The following DVL3 variants were observed in gnomAD, a reference collection of about 807,000 sequenced individuals.
DVL3 encodes segment polarity protein dishevelled homolog DVL-3.
DVL3 carries 27 observed loss-of-function variants against 67.4 expected under a neutral mutation model. That is an observed-to-expected ratio of 0.40 (90% CI 0.30 to 0.55). The LOEUF (loss-of-function observed/expected upper bound fraction) is 0.55. Ranked by LOEUF, DVL3 falls within the 20% of genes least tolerant of loss-of-function variation. The pLI is 0.46. For synonymous variants in DVL3, 369 were observed against 396.8 expected (o/e 0.93, Z 0.83); for missense variants, 819 against 1,021.5 (o/e 0.80, Z 2.70).
In DVL3 at chr3:184,164,441, G is replaced by C; in HGVS notation, c.354-51G>C. 1 of 1,601,466 alleles carries C rather than the reference G, an allele frequency of 6.2e-7. No individual in the cohort carries two copies. Among genetic ancestry groups the C allele is most frequent in the Non-Finnish European group, 8.5e-7 (1 of 1,173,906 alleles). ...CCGCATCAGTTCAGCCCAGGGCTGG[G>C]GGAGGGAGCCCCCAGCCTGCCCCCT... On this transcript the variant is annotated intron_variant, in intron 3 of 14. Coordinates refer to ENST00000313143, the MANE Select transcript of DVL3 (RefSeq NM_004423.4). The surrounding 1 kb of genome is among the most constrained non-coding windows in gnomAD (Gnocchi z 5.3).
chr3:184,166,145 C>T lies in DVL3; in HGVS notation c.783C>T (p.Gly261=), dbSNP rs537851526. The T allele has an allele frequency of 2.4e-5, 38 of 1,613,674 alleles. No individual in the cohort carries two copies. Among genetic ancestry groups the T allele is most frequent in the Non-Finnish European group, 3.1e-5 (36 of 1,179,922 alleles). Reference sequence around the variant, plus strand: ...CTATAGAAAAATATAACTTCTTGGGCATCTCCATTGTGGGCCAAAGCAACG... The same window carrying T: ...CTATAGAAAAATATAACTTCTTGGGTATCTCCATTGTGGGCCAAAGCAACG... The part of the protein sequence containing the change: ...TLNMEKYNFL[G]ISIVGQSNER... Residue 261 remains glycine, a synonymous_variant, in exon 8 of 15, where the codon GGC becomes GGT. Transcript: ENST00000313143. This position sits in a 1 kb window ranked among gnomAD's most constrained non-coding sequence, Gnocchi z 6.7.
chr3:184,164,833 G>A lies in DVL3; in HGVS notation c.501G>A (p.Arg167=), dbSNP rs1454515437. ...ATGGAACTGCGAAGGGGGAACGGCG[G>A]CGAGAACCAGGGGGTTATGATAGCT... is the stretch of plus-strand genomic sequence containing the variant. ...RLNGTAKGER[R]REPGGYDSSS... Residue 167 remains arginine (R), a synonymous_variant, in exon 5 of 15, where the codon CGG becomes CGA. Transcript: ENST00000313143. The surrounding 1 kb of genome is among the most constrained non-coding windows in gnomAD (Gnocchi z 5.3). The A allele has an allele frequency of 7.4e-6, 12 of 1,614,218 alleles. No homozygotes were observed. In the East Asian group the frequency reaches 2.7e-4, roughly 36 times the overall value.
At position 184,170,353 on chromosome 3, in the gene DVL3, C is replaced by T; in HGVS notation, c.1749C>T (p.Ser583=). ...GCAGTGGCTCCAACCGTAGCGGCAG[C>T]GATCGGAGGAAGGAGAAGGACCCGA... ...SRSSGSNRSG[S]DRRKEKDPKA... The change falls in exon 15 of 15, where the codon AGC becomes AGT. Residue 583 remains serine, a synonymous_variant. Transcript: ENST00000313143. The surrounding 1 kb of genome is among the most constrained non-coding windows in gnomAD (Gnocchi z 6.5). The T allele has an allele frequency of 1.2e-6, 2 of 1,605,086 alleles. No homozygotes were observed. The highest frequency in any genetic ancestry group is 1.3e-5 in the African/African-American group (1 of 74,904).
At position 184,163,640 on chromosome 3, in the gene DVL3, T is replaced by A. The variant is rs1296966826; in HGVS notation, c.162-17T>A. ...GCACCCTAGAAGGTTCTCTGTGACA[T>A]CCCCCTTTCTCTGCAGAGTGGTGAA... On this transcript the variant is annotated splice_polypyrimidine_tract_variant and intron_variant, in intron 1 of 14. Coordinates refer to ENST00000313143, the MANE Select transcript of DVL3 (RefSeq NM_004423.4). This position sits in a 1 kb window ranked among gnomAD's most constrained non-coding sequence, Gnocchi z 4.5. 6.2e-7 allele frequency: 1 copy of A among 1,612,630 alleles called. No homozygotes were observed. The highest frequency in any genetic ancestry group is 2.2e-5 in the East Asian group (1 of 44,880).
chr3:184,166,369 TC>T lies in DVL3; in HGVS notation c.904-74del, dbSNP rs2109021983. ...GGCCCCTTCTTGGTTGGGGGAAGAC[TC>T]CCTGACCTACCAAGTTGAGTTCCCT... On this transcript the variant is annotated intron_variant, in intron 8 of 14. Transcript: ENST00000313143. This position sits in a 1 kb window ranked among gnomAD's most constrained non-coding sequence, Gnocchi z 6.7. 2 of 1,610,110 alleles carry T rather than the reference TC, an allele frequency of 1.2e-6. No homozygotes were observed. The highest frequency in any genetic ancestry group is 4.5e-5 in the East Asian group (2 of 44,848).
chr3:184,161,745 A>T (rs367702812), intron 1 of DVL3, among the ~76,000 whole-genome samples: 1 of 151,630 alleles, frequency 6.6e-6, no homozygotes, highest in Non-Finnish European at 1.5e-5. Context: ...ATAGACCCAC[A>T]TTACCTCTGT....
rs1714573022 is a variant in DVL3, at chr3:184,166,093, C to T, written c.764-33C>T. 1 of 1,604,322 alleles carries T rather than the reference C, an allele frequency of 6.2e-7. No homozygotes were observed. Among genetic ancestry groups the T allele is most frequent in the South Asian group, 1.1e-5 (1 of 89,694 alleles). Reference sequence around the variant, plus strand: ...GCTGGGAATGCGGGTAGGAACCTTGCTCCCCCTTAAGGTCTTAAATTACTC... The same window carrying T: ...GCTGGGAATGCGGGTAGGAACCTTGTTCCCCCTTAAGGTCTTAAATTACTC... On this transcript the variant is annotated intron_variant, in intron 7 of 14. Transcript: ENST00000313143. This position sits in a 1 kb window ranked among gnomAD's most constrained non-coding sequence, Gnocchi z 6.7.
chr3:184,164,523 C>A lies in DVL3; in HGVS notation c.385C>A (p.Leu129Met). ...PHAGGGSQENLDNDTETDSLV... is the reference protein window; with the variant it reads ...PHAGGGSQENMDNDTETDSLV... ...TGCTGGTGGGGGCAGCCAGGAGAAC[C>A]TGGACAATGACACAGAGACGGACTC... The change falls in exon 4 of 15, where the codon CTG becomes ATG. Residue 129 changes from leucine (L) to methionine (M), a missense_variant. Leu to Met is a conservative substitution (Grantham distance 15). Transcript: ENST00000313143. The surrounding 1 kb of genome is among the most constrained non-coding windows in gnomAD (Gnocchi z 5.3). The A allele has an allele frequency of 1.9e-6, 3 of 1,592,514 alleles. No homozygotes were observed. The highest frequency in any genetic ancestry group is 2.6e-6 in the Non-Finnish European group (3 of 1,169,884).
rs756254669 is a variant in DVL3 at position 184,168,028 on chromosome 3, C to A, written c.1461C>A (p.Ser487=). The A allele has an allele frequency of 1.2e-6, 2 of 1,614,266 alleles. No individual in the cohort carries two copies. The highest frequency in any genetic ancestry group is 2.2e-5 in the South Asian group (2 of 91,092). The change falls in exon 13 of 15, where the codon TCC becomes TCA. Residue 487 remains serine, a synonymous_variant. Transcript: ENST00000313143. ...IRHTVNKITF[S]EQCYYIFGDL... is the part of the protein sequence containing the mutation. ...ATACCGTCAACAAGATCACCTTCTC[C>A]GAGCAGTGCTACTACATCTTCGGTG...
At position 184,171,810 on chromosome 3, in the gene DVL3, C is replaced by CG. The variant is rs1224222213; in HGVS notation, c.*1061dup. Reference sequence around the variant, plus strand: ...TCGCACCACGTGTGGCAGCCTGCGGCGGGGGGAGGGGGGCCTCTTTAGCTC... The same window carrying CG: ...TCGCACCACGTGTGGCAGCCTGCGGCGGGGGGGAGGGGGGCCTCTTTAGCTC... On this transcript the variant is annotated 3_prime_UTR_variant, in exon 15 of 15. Transcript: ENST00000313143. 9 of 165,576 alleles carry CG rather than the reference C, an allele frequency of 5.4e-5. No homozygotes were observed. Among genetic ancestry groups the CG allele is most frequent in the Non-Finnish European group, 1.0e-4 (8 of 78,980 alleles). 10.3% of individuals were successfully genotyped at this position (165,576 alleles called of 1,614,324 possible).
rs868653763 is a variant in DVL3, at chr3:184,164,631, G to A, written c.463+30G>A. On this transcript the variant is annotated intron_variant, in intron 4 of 14. Transcript: ENST00000313143. This position sits in a 1 kb window ranked among gnomAD's most constrained non-coding sequence, Gnocchi z 5.3. ...ATCTTCCTGAACACGGACACTGTCC[G>A]CACCTCACACCCTCCCCTCACTTTC... 8.4e-6 allele frequency: 13 copies of A among 1,549,464 alleles called. No individual in the cohort carries two copies. Among genetic ancestry groups the A allele is most frequent in the Middle Eastern group, 1.7e-4 (1 of 5,758 alleles).
In DVL3 at chr3:184,166,578, G is replaced by T. The variant is rs1422249390; in HGVS notation, c.981-28G>T. On this transcript the variant is annotated intron_variant, in intron 9 of 14. Transcript: ENST00000313143. This position sits in a 1 kb window ranked among gnomAD's most constrained non-coding sequence, Gnocchi z 6.7. The stretch of plus-strand genomic sequence containing the variant: ...GCTTGGTCTGGCCTATACGCATCCT[G>T]CCTTCACTAGGACACCCTTGTTTTC... The T allele has an allele frequency of 6.2e-7, 1 of 1,614,216 alleles. No individual in the cohort carries two copies. The highest frequency in any genetic ancestry group is 2.2e-5 in the East Asian group (1 of 44,882).
Position 184,173,506 on chromosome 3 carries a change from C to T in DVL3, c.*2751C>T. The T allele has an allele frequency of 6.6e-6, 1 of 152,182 alleles. No individual in the cohort carries two copies. Among genetic ancestry groups the T allele is most frequent in the Non-Finnish European group, 1.5e-5 (1 of 68,028 alleles). 9.4% of individuals were successfully genotyped at this position (152,182 alleles called of 1,614,324 possible). A position where few individuals can be genotyped will look rare whatever the true frequency, so the allele number is the denominator to read the frequency against. ...AATGATGATAATAATACCTACCTCA[C>T]AGGGTTGTTGTGAGGATTTAAATTA... On this transcript the variant is annotated 3_prime_UTR_variant, in exon 15 of 15. Transcript: ENST00000313143.
rs1394697422 is a variant in DVL3 at position 184,171,542 on chromosome 3, C to G, written c.*787C>G. On this transcript the variant is annotated 3_prime_UTR_variant, in exon 15 of 15. Coordinates refer to ENST00000313143, the MANE Select transcript of DVL3 (RefSeq NM_004423.4). ...TTTCTTTTCTTTCTTTTTTCCTCCCCCAATTTACCCTGGGCCTGGAGCAGC... is the reference window on the plus strand; with the variant it reads ...TTTCTTTTCTTTCTTTTTTCCTCCCGCAATTTACCCTGGGCCTGGAGCAGC... The G allele has an allele frequency of 4.1e-6, 4 of 986,064 alleles. No homozygotes were observed. The East Asian group carries it at 3.4e-4, about 84-fold the overall frequency. 61.1% of individuals were successfully genotyped at this position (986,064 alleles called of 1,614,324 possible).
rs1427407290 is a variant in DVL3 at position 184,164,580 on chromosome 3, C to T, written c.442C>T (p.Arg148Trp). 13 of 1,561,372 alleles carry T rather than the reference C, an allele frequency of 8.3e-6. No individual in the cohort carries two copies. The highest frequency in any genetic ancestry group is 3.4e-4 in the Middle Eastern group (2 of 5,804). The change falls in exon 4 of 15, where the codon CGG (arginine) becomes TGG (tryptophan). Residue 148 changes from arginine to tryptophan, a missense_variant. By Grantham distance (101) the Arg-to-Trp change is moderately radical. This residue lies in a region of DVL3 where 385 missense variants were observed against 486.8 expected (regional missense o/e 0.79). Transcript: ENST00000313143. The surrounding 1 kb of genome is among the most constrained non-coding windows in gnomAD (Gnocchi z 5.3). ...GTCTGCCCAGCGAGAGCGGCCACGC[C>T]GGAGGGATGGCCCAGAGCATGGTAT... ...LVSAQRERPRRRDGPEHATRL... is the reference protein window; with the variant it reads ...LVSAQRERPRWRDGPEHATRL...
Position 184,169,540 on chromosome 3 carries a change from C to CA in DVL3, c.1499-455dup, listed in dbSNP as rs879655215. ...CAAAACCCTGTATCTACTAAACATA[C>CA]AAAAAAAAAAATTAGCCAGGTGTGG... On this transcript the variant is annotated intron_variant, in intron 13 of 14. Transcript: ENST00000313143. Among the ~76,000 whole-genome samples, 1,131 of 146,636 alleles carry CA rather than the reference C, an allele frequency of 7.7e-3. 2 individuals are homozygous for CA. The highest frequency in any genetic ancestry group is 0.01 in the African/African-American group (418 of 40,362).
chr3:184,169,932 C>T lies in DVL3; in HGVS notation c.1499-74C>T, dbSNP rs1229052213. On this transcript the variant is annotated intron_variant, in intron 13 of 14. Coordinates refer to ENST00000313143, the MANE Select transcript of DVL3 (RefSeq NM_004423.4). ...CAGAAACTACCACGGTCTCTCTCAT[C>T]CAGAGCCCACCTGACCTAGGCTAGG... 3 of 1,357,500 alleles carry T rather than the reference C, an allele frequency of 2.2e-6. No individual in the cohort carries two copies. The African/African-American group carries it at 4.4e-5, about 20-fold the overall frequency. 84.1% of individuals were successfully genotyped at this position (1,357,500 alleles called of 1,614,324 possible).
At position 184,165,523 on chromosome 3, in the gene DVL3, CT is replaced by C. The variant is rs1714552792; in HGVS notation, c.763+33del. 1 of 1,589,834 alleles carries C rather than the reference CT, an allele frequency of 6.3e-7. No homozygotes were observed. Among genetic ancestry groups the C allele is most frequent in the African/African-American group, 1.3e-5 (1 of 74,416 alleles). ...CTGAGGAAACAGCACTCTCAAGCACCTGCTATATGCCAGACACTGGGCAGAC... is the reference window on the plus strand; with the variant it reads ...CTGAGGAAACAGCACTCTCAAGCACCGCTATATGCCAGACACTGGGCAGAC... On this transcript the variant is annotated intron_variant, in intron 7 of 14. Transcript: ENST00000313143. The surrounding 1 kb of genome is among the most constrained non-coding windows in gnomAD (Gnocchi z 4.1).
intron 1 of DVL3, among the ~76,000 whole-genome samples, chr3:184,162,747 C>A (rs368436006): frequency 6.6e-6 from 1 of 151,908 alleles, no homozygotes; most frequent in East Asian, 1.9e-4. Context: ...GGCTTGACTC[C>A]AAAATCCATA....
Sources: allele counts gnomAD v4.1 joint callset (sites outside exome capture counted in the v4.1 genomes callset), GRCh38; gene constraint gnomAD v4.1.1; regional missense constraint gnomAD v4.1.1; non-coding constraint Gnocchi (gnomAD v3.1); transcripts MANE v1.5; gene names NCBI Gene and HGNC (gene_info 2026-07-23, HGNC 2026-07-21).